YES1: variants seen among roughly 807,000 people sequenced by gnomAD.
YES1 encodes the protein YES proto-oncogene 1, Src family tyrosine kinase.
In YES1, 39 loss-of-function variants were observed where a neutral mutation model predicts 70.4. That is an observed-to-expected ratio of 0.55 (90% CI 0.43 to 0.72). The LOEUF is 0.72. Ranked by LOEUF, YES1 falls within the 30% of genes least tolerant of loss-of-function variation. The probability of loss-of-function intolerance (pLI) is 0.00; values close to 1 mark genes in which losing one functional copy is unlikely to be tolerated. For synonymous variants in YES1, 198 were observed against 218.6 expected (o/e 0.91, Z 0.83); for missense variants, 495 against 644.8 (o/e 0.77, Z 2.52).
At chr18:811,880 G>A (rs1481592204) in intron 1 of YES1, among the ~76,000 whole-genome samples, 3 of 152,186 alleles carry the variant, frequency 2.0e-5, no homozygotes, top group African/African-American at 7.2e-5. Flanking sequence ...GCGGGACCCG[G>A]CAGGTCTGGA....
intron 11 of YES1, among the ~76,000 whole-genome samples, chr18:725,791 T>C (rs1019133114): frequency 6.6e-6 from 1 of 151,844 alleles, no homozygotes; most frequent in African/African-American, 2.4e-5. Flanking sequence ...GAAGCTGAGG[T>C]GGGAGAATCA....
chr18:741,019 T>C lies in YES1; in HGVS notation c.1061-1208A>G, dbSNP rs1002303181. ...CTCAAGCCATTCTCGTGCCTCAGCC[T>C]CCCGAGCAGCTGGAACTACAGGCAC... On this transcript the variant is annotated intron_variant, in intron 8 of 11. Transcript: ENST00000314574. Among the ~76,000 whole-genome samples the C allele has an allele frequency of 5.9e-5, 9 of 152,260 alleles. No individual in the cohort carries two copies. In the South Asian group the frequency reaches 6.2e-4, roughly 11 times the overall value.
chr18:811,773 A>C (rs1263228656), intron 1 of YES1, among the ~76,000 whole-genome samples: 1 of 152,062 alleles, frequency 6.6e-6, no homozygotes, highest in Non-Finnish European at 1.5e-5. Flanking sequence ...AGGGGCAAAA[A>C]TAAACCTCTC....
At chr18:787,131 C>G (rs1439964070) in intron 1 of YES1, among the ~76,000 whole-genome samples, 1 of 103,668 alleles carries the variant, frequency 9.6e-6, no homozygotes, top group African/African-American at 3.8e-5. Flanking sequence ...GAGTCTCGCT[C>G]TGTGGCCCAG....
chr18:737,034 A>G, intron 9 of YES1, 73 bp from the exon 10 acceptor site: 1 of 1,274,574 alleles, frequency 7.8e-7, no homozygotes, highest in African/African-American at 1.5e-5. Context: ...ATTATGGTTA[A>G]TATCAAATTG....
chr18:724,327 A>G lies in YES1; in HGVS notation c.*97T>C. On this transcript the variant is annotated 3_prime_UTR_variant, in exon 12 of 12. Transcript: ENST00000314574. ...TTCCAGTTTACCATTAAAAACATGC[A>G]GAGTAAAGAAGATTTTCTTCTTTTG... The G allele has an allele frequency of 1.7e-6, 2 of 1,177,898 alleles. No homozygotes were observed. Among genetic ancestry groups the G allele is most frequent in the Non-Finnish European group, 2.4e-6 (2 of 840,830 alleles). 73.0% of individuals were successfully genotyped at this position (1,177,898 alleles called of 1,614,324 possible). A position where few individuals can be genotyped will look rare whatever the true frequency, so the allele number is the denominator to read the frequency against.
intron 11 of YES1, among the ~76,000 whole-genome samples, chr18:731,694 A>G (rs6506488): frequency 0.62 from 93,515 of 151,978 alleles, 29,698 homozygotes; most frequent in African/African-American, 0.79. Flanking sequence ...GAGGCCAGGC[A>G]CGGTGGCTCA....
intron 1 of YES1, among the ~76,000 whole-genome samples, chr18:801,059 T>G (rs898851027): frequency 1.3e-5 from 2 of 151,988 alleles, no homozygotes; most frequent in Non-Finnish European, 2.9e-5. Context: ...GGCAGGAGAA[T>G]CGCTTGAACC....
intron 1 of YES1, among the ~76,000 whole-genome samples, chr18:800,227 A>G (rs530750153): frequency 6.6e-6 from 1 of 152,350 alleles, no homozygotes; most frequent in Non-Finnish European, 1.5e-5. Flanking sequence ...TCTCATGCCC[A>G]TGATAGGCAG....
chr18:784,125 T>C (rs1223313072), intron 1 of YES1, among the ~76,000 whole-genome samples: 7 of 152,208 alleles, frequency 4.6e-5, no homozygotes, highest in Non-Finnish European at 8.8e-5. Context: ...TAATTTTAAA[T>C]GTCCATGGGA....
At chr18:798,856 T>C (rs1003580090) in intron 1 of YES1, among the ~76,000 whole-genome samples, 1 of 152,206 alleles carries the variant, frequency 6.6e-6, no homozygotes, top group African/African-American at 2.4e-5. Context: ...TCCAGAACTG[T>C]CTTTCCTGCT....
intron 10 of YES1, among the ~76,000 whole-genome samples, chr18:734,661 T>TG (rs1268495122): frequency 6.6e-6 from 1 of 151,686 alleles, no homozygotes; most frequent in East Asian, 1.9e-4. Flanking sequence ...ACCTTACTCC[T>TG]GTAAGAATGG....
At chr18:757,657 G>C (rs1904363151) in intron 1 of YES1, among the ~76,000 whole-genome samples, 1 of 150,644 alleles carries the variant, frequency 6.6e-6, no homozygotes, top group Non-Finnish European at 1.5e-5. Flanking sequence ...TCTTGTCTCT[G>C]ATAAAAATAC....
At chr18:734,661 T>C (rs934645311) in intron 10 of YES1, among the ~76,000 whole-genome samples, 5 of 151,686 alleles carry the variant, frequency 3.3e-5, no homozygotes, top group African/African-American at 2.4e-5. Context: ...ACCTTACTCC[T>C]GTAAGAATGG....
At chr18:759,048 T>C (rs1273937176) in intron 1 of YES1, among the ~76,000 whole-genome samples, 1 of 152,204 alleles carries the variant, frequency 6.6e-6, no homozygotes, top group Non-Finnish European at 1.5e-5. Flanking sequence ...CTCAGCTGTA[T>C]AATAATAATT....
At chr18:800,495 T>C (rs369598509) in intron 1 of YES1, among the ~76,000 whole-genome samples, 3 of 152,342 alleles carry the variant, frequency 2.0e-5, no homozygotes, top group Non-Finnish European at 2.9e-5. Flanking sequence ...ACTGTAGATA[T>C]TGTGGGATAA....
intron 1 of YES1, among the ~76,000 whole-genome samples, chr18:765,256 A>ATATG (rs1337661731): frequency 2.0e-5 from 1 of 51,074 alleles, no homozygotes; most frequent in Non-Finnish European, 3.6e-5. Flanking sequence ...AACTATATAT[A>ATATG]TATATATATA....
intron 1 of YES1, among the ~76,000 whole-genome samples, chr18:810,010 T>TA (rs1491445504): frequency 6.1e-5 from 6 of 97,698 alleles, no homozygotes; most frequent in Non-Finnish European, 1.3e-4. Flanking sequence ...TCCTTGCAGG[T>TA]TTTTTTTTTT....
chr18:786,524 C>CAA (rs975553208), intron 1 of YES1, among the ~76,000 whole-genome samples: 6 of 151,630 alleles, frequency 4.0e-5, no homozygotes, highest in Non-Finnish European at 7.4e-5. Flanking sequence ...CACACACACA[C>CAA]ACACACACAC....
Sources: allele counts gnomAD v4.1 joint callset (sites outside exome capture counted in the v4.1 genomes callset), GRCh38; gene constraint gnomAD v4.1.1; transcripts MANE v1.5; gene names NCBI Gene and HGNC (gene_info 2026-07-23, HGNC 2026-07-21).